C11orf52: variants seen among roughly 807,000 people sequenced by gnomAD.
C11orf52 encodes the protein chromosome 11 open reading frame 52.
C11orf52 carries 9 observed loss-of-function variants against 11.7 expected under a neutral mutation model. The observed-to-expected ratio is 0.77, with a 90% confidence interval of 0.46 to 1.34. The LOEUF (loss-of-function observed/expected upper bound fraction) is 1.34, where lower values mean the gene tolerates loss of function less well. Ranked by LOEUF, C11orf52 falls within the 40% of genes most tolerant of loss-of-function variation. The pLI, the probability that C11orf52 is intolerant of heterozygous loss-of-function variation, is 0.00. For missense variants in C11orf52, 139 were observed against 154.8 expected, an observed-to-expected ratio of 0.90 and a Z score of 0.54; for synonymous variants, 49 against 57.4, an observed-to-expected ratio of 0.85 and a Z score of 0.66.
At position 111,925,964 on chromosome 11, in the gene C11orf52, A is replaced by G. The variant is rs781792683; in HGVS notation, c.137A>G (p.His46Arg). 79 of 1,614,128 alleles carry G rather than the reference A, an allele frequency of 4.9e-5. No homozygotes were observed. The highest frequency in any genetic ancestry group is 6.7e-5 in the Admixed American group (4 of 60,014). Residue 46 changes from histidine (H) to arginine (R), a missense_variant, in exon 4 of 4, where the codon CAT becomes CGT. His to Arg is a conservative substitution (Grantham distance 29). Coordinates refer to ENST00000278601, the MANE Select transcript of C11orf52 (RefSeq NM_080659.3). The part of the protein sequence containing the change: ...QQLQQNLPKG[H>R]ETTGHTYERV... ...AATGCTATCCATTCCTCGCAGGGCC[A>G]TGAAACAACAGGACATACGTATGAA...
intron 1 of C11orf52, chr11:111,923,810 G>A (rs1965739755): frequency 6.6e-6 from 1 of 152,274 alleles, no homozygotes; most frequent in Non-Finnish European, 1.5e-5. Context: ...GAAGCAGGGA[G>A]GGAGGTCACT....
At chr11:111,922,776 T>C (rs1555166646) in intron 1 of C11orf52, among the ~76,000 whole-genome samples, 4 of 152,238 alleles carry the variant, frequency 2.6e-5, no homozygotes, top group African/African-American at 9.6e-5. Flanking sequence ...TTTGTACATG[T>C]ATAATTATTT....
intron 1 of C11orf52, among the ~76,000 whole-genome samples, chr11:111,922,374 T>C (rs148645659): frequency 1.9e-4 from 29 of 152,364 alleles, no homozygotes; most frequent in African/African-American, 6.0e-4. Flanking sequence ...ATTATGGCAA[T>C]TGAAGATATT....
At position 111,919,014 on chromosome 11, in the gene C11orf52, C is replaced by G. The variant is rs1555166301; in HGVS notation, c.32+10C>G. The G allele has an allele frequency of 6.2e-7, 1 of 1,614,132 alleles. No homozygotes were observed. Among genetic ancestry groups the G allele is most frequent in the Non-Finnish European group, 8.5e-7 (1 of 1,180,016 alleles). Reference sequence around the variant, plus strand: ...GCTGCGGAGGAAGCTGGTGAGTAGGCTGGAAGGGCAAAGGGGAACATCTAT... The same window carrying G: ...GCTGCGGAGGAAGCTGGTGAGTAGGGTGGAAGGGCAAAGGGGAACATCTAT... On this transcript the variant is annotated intron_variant, in intron 1 of 3. Transcript: ENST00000278601.
intron 1 of C11orf52, 136 bp downstream of exon 1, chr11:111,919,140 C>A: frequency 1.0e-6 from 1 of 976,938 alleles, no homozygotes; most frequent in Non-Finnish European, 1.6e-6. Flanking sequence ...CCTCCTTGTT[C>A]CAACACCAGA....
rs1592516496 is a variant in C11orf52, at chr11:111,918,918, T to G, written c.-55T>G. ...GAAAGCTCAACCAGGAACCCGGAAATGCACAAGCCTCTTGATGCATAAAAA... is the reference window on the plus strand; with the variant it reads ...GAAAGCTCAACCAGGAACCCGGAAAGGCACAAGCCTCTTGATGCATAAAAA... On this transcript the variant is annotated 5_prime_UTR_variant, in exon 1 of 4. It removes an upstream start codon present in the reference 5' UTR. Coordinates refer to ENST00000278601, the MANE Select transcript of C11orf52 (RefSeq NM_080659.3). The G allele has an allele frequency of 6.2e-7, 1 of 1,609,616 alleles. No individual in the cohort carries two copies. Among genetic ancestry groups the G allele is most frequent in the Non-Finnish European group, 8.5e-7 (1 of 1,176,314 alleles).
intron 2 of C11orf52, 142 bp from the exon 3 acceptor site, chr11:111,925,511 A>G (rs1965779628): frequency 1.2e-6 from 1 of 806,680 alleles, no homozygotes; most frequent in East Asian, 2.7e-5. Context: ...ATTTAGCACT[A>G]GTAGACATGA....
chr11:111,925,269 A>G (rs1306161605), intron 2 of C11orf52, among the ~76,000 whole-genome samples: 1 of 151,322 alleles, frequency 6.6e-6, no homozygotes, highest in Non-Finnish European at 1.5e-5. Flanking sequence ...CCCACCTTGC[A>G]TTGTAAGTGT....
intron 2 of C11orf52, among the ~76,000 whole-genome samples, chr11:111,925,345 G>T (rs1208075494): frequency 6.6e-6 from 1 of 152,204 alleles, no homozygotes; most frequent in African/African-American, 2.4e-5. Context: ...AGAGGAAACA[G>T]CTTACTCATC....
At chr11:111,919,064 C>G (rs1555166310) in intron 1 of C11orf52, 60 bp downstream of exon 1, 1 of 1,593,596 alleles carries the variant, frequency 6.3e-7, no homozygotes, top group East Asian at 2.2e-5. Context: ...GTAGAGGCCC[C>G]GAAAATCAGA....
At chr11:111,921,444 C>A (rs1456902163) in intron 1 of C11orf52, among the ~76,000 whole-genome samples, 1 of 152,198 alleles carries the variant, frequency 6.6e-6, no homozygotes, top group East Asian at 1.9e-4. Context: ...GAACACCTAA[C>A]ATCATGGAAA....
Position 111,925,502 on chromosome 11 carries a change from T to A in C11orf52, c.71-151T>A, listed in dbSNP as rs2137405632. 4.0e-6 allele frequency: 3 copies of A among 755,120 alleles called. No individual in the cohort carries two copies. In the East Asian group the frequency reaches 8.1e-5, roughly 20 times the overall value. The allele number at this position is 755,120 out of a possible 1,614,324, so 46.8% of individuals were successfully genotyped here. The stretch of plus-strand genomic sequence containing the variant: ...TGTAAACCCTGCTAAGGAGTTTGGA[T>A]TTAGCACTAGTAGACATGAAAGAAG... On this transcript the variant is annotated intron_variant, in intron 2 of 3. Coordinates refer to ENST00000278601, the MANE Select transcript of C11orf52 (RefSeq NM_080659.3).
rs782500330 is a variant in C11orf52 at position 111,926,034 on chromosome 11, CA to C, written c.208del (p.Met70CysfsTer23). 1.2e-6 allele frequency: 2 copies of C among 1,614,246 alleles called. No individual in the cohort carries two copies. The highest frequency in any genetic ancestry group is 4.5e-5 in the East Asian group (2 of 44,888). ...GGTCTCAAGAGAGGAGTCCAGGCCT[CA>C]TGTCGGAAGACAGCAACTTACATTA... is the stretch of plus-strand genomic sequence containing the variant. ...QGSQERSPGL[M>X]SEDSNLHYAD... On this transcript the variant is annotated frameshift_variant, in exon 4 of 4. Coordinates refer to ENST00000278601, the MANE Select transcript of C11orf52 (RefSeq NM_080659.3). LOFTEE classifies it low-confidence loss of function (END_TRUNC).
Position 111,920,317 on chromosome 11 carries a change from CT to C in C11orf52, c.32+1315del, listed in dbSNP as rs782017758. ...TTGGGAGGCTGAGGCAGGCAGATGACTTGAGGCCAGGAGTTCAAGACCAGCC... is the reference window on the plus strand; with the variant it reads ...TTGGGAGGCTGAGGCAGGCAGATGACTGAGGCCAGGAGTTCAAGACCAGCC... On this transcript the variant is annotated intron_variant, in intron 1 of 3. Coordinates refer to ENST00000278601, the MANE Select transcript of C11orf52 (RefSeq NM_080659.3). 3.3e-5 allele frequency among the ~76,000 whole-genome samples: 5 copies of C among 152,238 alleles called. No individual in the cohort carries two copies. In the South Asian group the frequency reaches 1.0e-3, roughly 32 times the overall value.
chr11:111,920,971 C>A (rs10502152), intron 1 of C11orf52, among the ~76,000 whole-genome samples: 1 of 151,626 alleles, frequency 6.6e-6, no homozygotes, highest in South Asian at 2.1e-4. Flanking sequence ...AAGGATATAG[C>A]GTATGTGAAA....
chr11:111,919,025 A>G, intron 1 of C11orf52, 21 bp downstream of exon 1: 1 of 1,614,074 alleles, frequency 6.2e-7, no homozygotes, highest in Non-Finnish European at 8.5e-7. Context: ...TGGAAGGGCA[A>G]AGGGGAACAT....
At chr11:111,923,899 C>T (rs587622465) in intron 1 of C11orf52, among the ~76,000 whole-genome samples, 1 of 152,068 alleles carries the variant, frequency 6.6e-6, no homozygotes, top group East Asian at 1.9e-4. Context: ...AATAAAAGTC[C>T]CAGATTGGTA....
intron 1 of C11orf52, among the ~76,000 whole-genome samples, chr11:111,919,962 G>A (rs887456108): frequency 3.3e-5 from 5 of 151,844 alleles, no homozygotes; most frequent in African/African-American, 4.8e-5. Flanking sequence ...TTGGGAGGCC[G>A]AGGCGGGTGG....
intron 3 of C11orf52, 42 bp downstream of exon 3, chr11:111,925,756 A>G (rs1965789783): frequency 1.2e-6 from 2 of 1,605,736 alleles, no homozygotes; most frequent in East Asian, 4.5e-5. Context: ...CTGCTCGGAC[A>G]TGGGATCCCA....
Sources: gnomAD v4.1 joint callset for allele counts (sites outside exome capture counted in the v4.1 genomes callset) on GRCh38, gnomAD v4.1.1 for gene constraint, MANE v1.5 for transcripts, NCBI Gene and HGNC (gene_info 2026-07-23, HGNC 2026-07-21) for gene names.